Variants in TLK1 observed in about 807,000 individuals in gnomAD.
The protein encoded by TLK1 is tousled like kinase 1.
Under a neutral mutation model 105.3 loss-of-function variants are expected in TLK1, and 24 were observed. The observed-to-expected ratio is 0.23, with a 90% confidence interval of 0.17 to 0.32. The LOEUF (loss-of-function observed/expected upper bound fraction) is 0.32, where lower values mean the gene tolerates loss of function less well. Among genes scored for constraint, TLK1 ranks in the 10% least tolerant of loss-of-function variants. TLK1 has a pLI of 1.00. For missense variants in TLK1, 558 were observed against 910.5 expected (o/e 0.61, Z 4.98); for synonymous variants, 321 against 310.4 (o/e 1.03, Z -0.36).
chr2:171,164,470 A>T (rs903857125), upstream of TLK1, among the ~76,000 whole-genome samples: 1 of 152,208 alleles, frequency 6.6e-6, no homozygotes, highest in Admixed American at 6.5e-5. Context: ...CCTGGGCGAC[A>T]TGATGAGACC....
intron 1 of TLK1, among the ~76,000 whole-genome samples, chr2:171,195,338 C>G (rs976253427): frequency 5.3e-5 from 8 of 151,870 alleles, no homozygotes; most frequent in Non-Finnish European, 8.8e-5. Flanking sequence ...CCCGTCTCTA[C>G]TAAAACTACA....
At position 170,993,660 on chromosome 2, in the gene TLK1, G is replaced by A. The variant is rs1179718403; in HGVS notation, c.*120C>T. 2.1e-5 allele frequency: 18 copies of A among 858,748 alleles called. No individual in the cohort carries two copies. The highest frequency in any genetic ancestry group is 2.0e-4 in the African/African-American group (8 of 40,236). The allele number at this position is 858,748 out of a possible 1,614,324, so 53.2% of individuals were successfully genotyped here. On this transcript the variant is annotated 3_prime_UTR_variant, in exon 21 of 21. Coordinates refer to ENST00000431350, the MANE Select transcript of TLK1 (RefSeq NM_012290.5). Reference sequence around the variant, plus strand: ...CAGTTCACAAACAGTTCTTAACCACGTCTTGTGTAAAAAAAAAAAAAAAAA... The same window carrying A: ...CAGTTCACAAACAGTTCTTAACCACATCTTGTGTAAAAAAAAAAAAAAAAA...
chr2:171,003,270 T>A (rs1684478944), intron 18 of TLK1, among the ~76,000 whole-genome samples: 1 of 46,990 alleles, frequency 2.1e-5, no homozygotes, highest in Non-Finnish European at 3.2e-5. Flanking sequence ...CAAGACTCCG[T>A]CTCAAAAAAA....
rs202216241 is a variant in TLK1 at position 171,126,243 on chromosome 2, A to G, written c.140-8386T>C. 3.9e-5 allele frequency among the ~76,000 whole-genome samples: 6 copies of G among 152,336 alleles called. No homozygotes were observed. The East Asian group carries it at 1.2e-3, about 29-fold the overall frequency. On this transcript the variant is annotated intron_variant, in intron 1 of 20. Coordinates refer to ENST00000431350, the MANE Select transcript of TLK1 (RefSeq NM_012290.5). ...ATGTCACTACCCAAATTAGAGATCA[A>G]TCACATTCAATATGATGAAGAAAAA...
At chr2:171,102,612 T>G (rs555247760) in intron 2 of TLK1, among the ~76,000 whole-genome samples, 1 of 152,326 alleles carries the variant, frequency 6.6e-6, no homozygotes, top group South Asian at 2.1e-4. Context: ...TCTAACTGTG[T>G]TTTAATAAAT....
chr2:171,011,343 G>A (rs749294399), intron 14 of TLK1, 30 bp downstream of exon 14: 1 of 1,563,008 alleles, frequency 6.4e-7, no homozygotes, highest in East Asian at 2.3e-5. Flanking sequence ...CTACATTAGT[G>A]TAAAAAAAAC....
intron 1 of TLK1, among the ~76,000 whole-genome samples, chr2:171,172,616 A>C (rs913139655): frequency 2.0e-5 from 3 of 152,060 alleles, no homozygotes; most frequent in Non-Finnish European, 4.4e-5. Context: ...TGTTCTTGTG[A>C]TAGTGAGTGG....
chr2:171,057,134 G>T (rs1251767529), intron 5 of TLK1, among the ~76,000 whole-genome samples: 1 of 152,042 alleles, frequency 6.6e-6, no homozygotes. Flanking sequence ...TGCATATGAA[G>T]AGAAGCCAAC....
chr2:171,157,982 C>T (rs961539022), intron 1 of TLK1, among the ~76,000 whole-genome samples: 3 of 152,144 alleles, frequency 2.0e-5, no homozygotes, highest in Non-Finnish European at 4.4e-5. Context: ...AGTTAAAAAG[C>T]TTTCTAAAAC....
intron 14 of TLK1, among the ~76,000 whole-genome samples, chr2:171,008,684 C>A (rs1272195529): frequency 1.3e-5 from 2 of 152,190 alleles, no homozygotes; most frequent in East Asian, 3.9e-4. Context: ...TGCTTTTTGT[C>A]TAGTTGTTTC....
In TLK1 at chr2:171,160,463, C is replaced by A; in HGVS notation, c.-35G>T. 1 of 1,578,246 alleles carries A rather than the reference C, an allele frequency of 6.3e-7. No homozygotes were observed. Among genetic ancestry groups the A allele is most frequent in the East Asian group, 2.5e-5 (1 of 40,122 alleles). The stretch of plus-strand genomic sequence containing the variant: ...TTCTGGGAACCCGACTCCCCCCCTG[C>A]GACGGCAGCGGCGGCAACGGCACCG... On this transcript the variant is annotated 5_prime_UTR_variant, in exon 1 of 21. Transcript: ENST00000431350. This position sits in a 1 kb window ranked among gnomAD's most constrained non-coding sequence, Gnocchi z 4.4.
chr2:171,125,588 A>G (rs562816561), intron 1 of TLK1, among the ~76,000 whole-genome samples: 9 of 152,354 alleles, frequency 5.9e-5, no homozygotes, highest in African/African-American at 2.2e-4. Context: ...AGCTTGAAGT[A>G]ATGAGAATGC....
chr2:171,132,670 C>T (rs900505584), intron 1 of TLK1, among the ~76,000 whole-genome samples: 2 of 152,080 alleles, frequency 1.3e-5, no homozygotes, highest in Non-Finnish European at 2.9e-5. Context: ...CTATGGCTTC[C>T]GAGTTCAAGA....
At chr2:171,190,023 G>A (rs1036801797) in intron 1 of TLK1, among the ~76,000 whole-genome samples, 1 of 152,222 alleles carries the variant, frequency 6.6e-6, no homozygotes, top group Non-Finnish European at 1.5e-5. Flanking sequence ...CAGTGAGGAA[G>A]AGACCCTGGC....
At chr2:171,123,790 C>G (rs532625626) in intron 1 of TLK1, among the ~76,000 whole-genome samples, 1 of 152,020 alleles carries the variant, frequency 6.6e-6, no homozygotes, top group Admixed American at 6.6e-5. Context: ...CCAGCCTGGG[C>G]GCAGAATGAG....
chr2:171,160,290 C>A lies in TLK1; in HGVS notation c.139G>T (p.Gly47Cys). Reference sequence around the variant, plus strand: ...CGGGCGCGGGCGCGGCGGTGCTTACCTTCCCTGGGCCTCCCGGATGGCGGC... The same window carrying A: ...CGGGCGCGGGCGCGGCGGTGCTTACATTCCCTGGGCCTCCCGGATGGCGGC... Reference protein sequence around the residue: ...HTPPSGRPREGAMDELHSLDP... With the variant: ...HTPPSGRPRECAMDELHSLDP... The change falls in exon 1 of 21, where the codon GGT becomes TGT. Residue 47 changes from glycine (G) to cysteine (C), a missense_variant and splice_region_variant. Gly to Cys is a radical substitution (Grantham distance 159). Around this residue, in one of 5 missense-constraint regions of TLK1, gnomAD observed 104 missense variants for 116.0 expected, o/e 0.90. Transcript: ENST00000431350. The surrounding 1 kb of genome is among the most constrained non-coding windows in gnomAD (Gnocchi z 4.4). The A allele has an allele frequency of 1.3e-6, 2 of 1,562,650 alleles. No individual in the cohort carries two copies. Among genetic ancestry groups the A allele is most frequent in the Non-Finnish European group, 1.7e-6 (2 of 1,159,032 alleles).
intron 3 of TLK1, among the ~76,000 whole-genome samples, chr2:171,072,860 T>TCACTGAACC (rs1475900370): frequency 7.3e-6 from 1 of 136,840 alleles, no homozygotes; most frequent in Non-Finnish European, 1.5e-5. Flanking sequence ...ACCGGGGAGG[T>TCACTGAACC]GGTGGTTGCA....
At chr2:171,105,106 TGAA>T (rs376160953) in intron 2 of TLK1, among the ~76,000 whole-genome samples, 29 of 152,336 alleles carry the variant, frequency 1.9e-4, no homozygotes, top group African/African-American at 6.7e-4. Context: ...TAAGATTTTA[TGAA>T]GAAGATCTCA....
intron 18 of TLK1, among the ~76,000 whole-genome samples, chr2:171,004,271 C>A (rs1428045197): frequency 2.0e-5 from 3 of 151,846 alleles, no homozygotes; most frequent in Non-Finnish European, 2.9e-5. Context: ...CCAATTTTTT[C>A]AATATTTCTA....
Sources: allele counts gnomAD v4.1 joint callset (sites outside exome capture counted in the v4.1 genomes callset), GRCh38; gene constraint gnomAD v4.1.1; regional missense constraint gnomAD v4.1.1; non-coding constraint Gnocchi (gnomAD v3.1); transcripts MANE v1.5; gene names NCBI Gene and HGNC (gene_info 2026-07-23, HGNC 2026-07-21).